The following CRHR1 variants were observed in gnomAD, a reference collection of about 807,000 sequenced individuals.
CRHR1 encodes corticotropin releasing hormone receptor 1, also known as corticotropin-releasing hormone receptor 1.
In CRHR1, 28 loss-of-function variants were observed where a neutral mutation model predicts 56.0. That is an observed-to-expected ratio of 0.50 (90% CI 0.37 to 0.69). CRHR1 has a LOEUF of 0.69. CRHR1 is among the 30% of genes least tolerant of loss of function. The pLI is 0.00. For missense variants in CRHR1, 376 were observed against 548.0 expected (o/e 0.69, Z 3.13); for synonymous variants, 195 against 216.5 (o/e 0.90, Z 0.87).
At chr17:45,804,361 T>G (rs1226812592) in intron 1 of CRHR1, among the ~76,000 whole-genome samples, 1 of 151,900 alleles carries the variant, frequency 6.6e-6, no homozygotes, top group African/African-American at 2.4e-5. Context: ...CACTACAAAC[T>G]CAGGCACTAC....
At chr17:45,790,092 G>A (rs1427791376) in intron 1 of CRHR1, among the ~76,000 whole-genome samples, 1 of 152,162 alleles carries the variant, frequency 6.6e-6, no homozygotes, top group Non-Finnish European at 1.5e-5. Flanking sequence ...ATCTCTTCCT[G>A]CGTCAGAGCA....
At position 45,830,215 on chromosome 17, in the gene CRHR1, G is replaced by A. The variant is rs1568069705; in HGVS notation, c.555+1G>A. 1.2e-6 allele frequency: 2 copies of A among 1,614,044 alleles called. No homozygotes were observed. Among genetic ancestry groups the A allele is most frequent in the Non-Finnish European group, 8.5e-7 (1 of 1,179,996 alleles). ...CCCCGAGGTCCACCAGAGCAACGTG[G>A]TACGTCCTGGCAGGGGAGCGGGGAG... is the stretch of plus-strand genomic sequence containing the variant. On this transcript the variant is annotated splice_donor_variant, in intron 6 of 12. Transcript: ENST00000314537. LOFTEE classifies it high-confidence loss of function.
At chr17:45,830,253 A>C (rs1207561364) in intron 6 of CRHR1, 39 bp downstream of exon 6, 1 of 1,610,648 alleles carries the variant, frequency 6.2e-7, no homozygotes, top group Admixed American at 1.7e-5. Context: ...GGTCAGGCCA[A>C]ACCCAGGTCA....
At chr17:45,831,546 C>T (rs759611113) in intron 8 of CRHR1, among the ~76,000 whole-genome samples, 4 of 152,144 alleles carry the variant, frequency 2.6e-5, no homozygotes, top group African/African-American at 4.8e-5. Context: ...TGGAGCTCAA[C>T]TTTGGCTCAC....
intron 1 of CRHR1, among the ~76,000 whole-genome samples, chr17:45,786,487 C>G (rs1029319237): frequency 6.6e-6 from 1 of 152,290 alleles, no homozygotes; most frequent in African/African-American, 2.4e-5. Flanking sequence ...GTCCTCCTAA[C>G]AGCCCTAGGA....
chr17:45,814,421 A>G (rs900252605), intron 2 of CRHR1, among the ~76,000 whole-genome samples: 1 of 152,150 alleles, frequency 6.6e-6, no homozygotes, highest in Non-Finnish European at 1.5e-5. Context: ...AGTCCAAAAT[A>G]CCTGCCTATG....
intron 1 of CRHR1, among the ~76,000 whole-genome samples, chr17:45,793,568 G>A (rs569565127): frequency 2.0e-5 from 3 of 152,338 alleles, no homozygotes; most frequent in East Asian, 3.9e-4. Flanking sequence ...GATCCCGTCC[G>A]TTGGCATCCC....
At chr17:45,833,566 C>G (rs754599119) in intron 10 of CRHR1, 29 bp downstream of exon 10, 8 of 1,602,422 alleles carry the variant, frequency 5.0e-6, no homozygotes, top group Non-Finnish European at 6.8e-6. Context: ...CCTCAGGCCT[C>G]CCCCTGATGA....
Position 45,834,646 on chromosome 17 carries a change from G to A in CRHR1, c.1130G>A (p.Arg377Lys). 1.2e-6 allele frequency: 2 copies of A among 1,612,928 alleles called. No individual in the cohort carries two copies. Among genetic ancestry groups the A allele is most frequent in the East Asian group, 2.2e-5 (1 of 44,844 alleles). Reference sequence around the variant, plus strand: ...CAGGTCCGTTCTGCCATCCGGAAGAGGTGGCACCGGTGGCAGGACAAGCAC... The same window carrying A: ...CAGGTCCGTTCTGCCATCCGGAAGAAGTGGCACCGGTGGCAGGACAAGCAC... ...NSEVRSAIRK[R>K]WHRWQDKHSI... The change falls in exon 13 of 13, where the codon AGG (arginine) becomes AAG (lysine). Residue 377 changes from arginine to lysine, a missense_variant. Physicochemically the swap from Arg to Lys is conservative, Grantham distance 26. Coordinates refer to ENST00000314537, the MANE Select transcript of CRHR1 (RefSeq NM_004382.5).
chr17:45,796,160 T>TA (rs2061512714), intron 1 of CRHR1, among the ~76,000 whole-genome samples: 1 of 152,198 alleles, frequency 6.6e-6, no homozygotes, highest in Non-Finnish European at 1.5e-5. Context: ...GCACAGCTGA[T>TA]AGTGTCACCT....
intron 3 of CRHR1, among the ~76,000 whole-genome samples, chr17:45,819,144 C>T (rs1320069396): frequency 2.6e-5 from 4 of 152,136 alleles, no homozygotes; most frequent in Non-Finnish European, 5.9e-5. Flanking sequence ...CTGAGTCTCA[C>T]GTAAGGTTAT....
At chr17:45,821,471 TGGAGGGGAG>T in intron 4 of CRHR1, 31 bp downstream of exon 4, 1 of 1,595,492 alleles carries the variant, frequency 6.3e-7, no homozygotes, top group Non-Finnish European at 8.6e-7. Context: ...GCTGCCCATA[TGGAGGGGAG>T]TCCAGGGTCC....
chr17:45,801,584 T>C (rs1485689350), intron 1 of CRHR1, among the ~76,000 whole-genome samples: 1 of 152,244 alleles, frequency 6.6e-6, no homozygotes, highest in Non-Finnish European at 1.5e-5. Flanking sequence ...GCCTTGGGGC[T>C]GCCAGGCTGT....
chr17:45,788,879 C>T (rs2061379629), intron 1 of CRHR1, among the ~76,000 whole-genome samples: 1 of 152,160 alleles, frequency 6.6e-6, no homozygotes, highest in African/African-American at 2.4e-5. Context: ...GGAAAGAACC[C>T]GTTTCTGTTC....
chr17:45,831,303 G>A (rs1404212332), intron 8 of CRHR1, among the ~76,000 whole-genome samples: 6 of 152,220 alleles, frequency 3.9e-5, no homozygotes, highest in African/African-American at 1.2e-4. Context: ...CTGTTGTGGG[G>A]TGATATGAGT....
At chr17:45,803,757 CGTGTGTGT>C (rs553066030) in intron 1 of CRHR1, among the ~76,000 whole-genome samples, 1 of 129,452 alleles carries the variant, frequency 7.7e-6, no homozygotes, top group Non-Finnish European at 1.8e-5. Context: ...AGAGAGAGTG[CGTGTGTGT>C]GTGTGTGTGT....
chr17:45,830,040 C>A, intron 5 of CRHR1, 54 bp from the exon 6 acceptor site: 1 of 1,609,072 alleles, frequency 6.2e-7, no homozygotes, highest in Non-Finnish European at 8.5e-7. Flanking sequence ...GGTGGCCTAC[C>A]CCTCATCCTC....
chr17:45,818,112 TC>T (rs1446718348), intron 3 of CRHR1, among the ~76,000 whole-genome samples: 1 of 152,126 alleles, frequency 6.6e-6, no homozygotes, highest in African/African-American at 2.4e-5. Flanking sequence ...CATGTCCACT[TC>T]CAGAGTGATC....
intron 1 of CRHR1, among the ~76,000 whole-genome samples, chr17:45,790,592 T>C (rs1410023287): frequency 6.6e-6 from 1 of 152,218 alleles, no homozygotes. Context: ...CGCCTGGCAC[T>C]GTTGGGCCCA....
Sources: gnomAD v4.1 joint callset for allele counts (sites outside exome capture counted in the v4.1 genomes callset) on GRCh38, gnomAD v4.1.1 for gene constraint, MANE v1.5 for transcripts, NCBI Gene and HGNC (gene_info 2026-07-23, HGNC 2026-07-21) for gene names.